Variants in AUTS2 observed in about 807,000 individuals in gnomAD.
AUTS2 encodes the protein autism susceptibility gene 2 protein.
AUTS2 carries 17 observed loss-of-function variants against 112.4 expected under a neutral mutation model. That is an observed-to-expected ratio of 0.15 (90% confidence interval 0.10 to 0.23). AUTS2 has a LOEUF of 0.23. Ranked by LOEUF, AUTS2 falls within the 10% of genes least tolerant of loss-of-function variation. AUTS2 has a pLI of 1.00. For missense variants in AUTS2, 1,510 were observed against 1,701.6 expected (o/e 0.89, Z 1.98); for synonymous variants, 751 against 702.7 (o/e 1.07, Z -1.09).
chr7:69,830,316 G>T (rs1267072672), intron 1 of AUTS2, among the ~76,000 whole-genome samples: 1 of 152,088 alleles, frequency 6.6e-6, no homozygotes, highest in East Asian at 1.9e-4. Context: ...GGGTTGATAG[G>T]TGCAGCAAAC....
intron 1 of AUTS2, among the ~76,000 whole-genome samples, chr7:69,887,046 G>A (rs1184028660): frequency 6.6e-6 from 1 of 152,064 alleles, no homozygotes. Context: ...CCAAAGTGTT[G>A]GCATTAAAGG....
At chr7:70,077,642 T>C (rs2129564086) in intron 2 of AUTS2, among the ~76,000 whole-genome samples, 1 of 152,344 alleles carries the variant, frequency 6.6e-6, no homozygotes, top group Non-Finnish European at 1.5e-5. Context: ...CCAGAAATTA[T>C]ACCTGGGGAT....
At position 70,777,691 on chromosome 7, in the gene AUTS2, C is replaced by G. The variant is rs560482032; in HGVS notation, c.2004+517C>G. 2.0e-5 allele frequency among the ~76,000 whole-genome samples: 3 copies of G among 152,290 alleles called. No individual in the cohort carries two copies. In the East Asian group the frequency reaches 5.8e-4, roughly 29 times the overall value. On this transcript the variant is annotated intron_variant, in intron 14 of 18. Transcript: ENST00000342771. ...CACTAGTGAAATTACAAAACAAAAGCAAACTGATAATGCCCCAGGGTTTTG... is the reference window on the plus strand; with the variant it reads ...CACTAGTGAAATTACAAAACAAAAGGAAACTGATAATGCCCCAGGGTTTTG...
At chr7:70,487,937 G>T (rs1032522553) in intron 5 of AUTS2, among the ~76,000 whole-genome samples, 1 of 152,192 alleles carries the variant, frequency 6.6e-6, no homozygotes, top group African/African-American at 2.4e-5. Flanking sequence ...GGCTGGGGCG[G>T]TGGTGGGCCA....
At chr7:70,188,217 A>G (rs995285453) in intron 4 of AUTS2, among the ~76,000 whole-genome samples, 1 of 152,228 alleles carries the variant, frequency 6.6e-6, no homozygotes, top group African/African-American at 2.4e-5. Context: ...ATAATGAAAC[A>G]TACACACTTT....
intron 4 of AUTS2, among the ~76,000 whole-genome samples, chr7:70,395,801 T>C (rs1794055445): frequency 6.6e-6 from 1 of 152,224 alleles, no homozygotes; most frequent in Non-Finnish European, 1.5e-5. Context: ...TAACTAGCTG[T>C]ACAGATCTGG....
At chr7:69,875,916 A>T (rs1793714330) in intron 1 of AUTS2, among the ~76,000 whole-genome samples, 1 of 152,064 alleles carries the variant, frequency 6.6e-6, no homozygotes, top group African/African-American at 2.4e-5. Context: ...TTATTCACAA[A>T]TGGTTGTTCC....
intron 2 of AUTS2, among the ~76,000 whole-genome samples, chr7:70,117,763 T>TC (rs1213456390): frequency 6.6e-6 from 1 of 151,796 alleles, no homozygotes; most frequent in African/African-American, 2.4e-5. Context: ...TTTTTTTTTT[T>TC]GTGAGACGGA....
At chr7:69,624,820 TTAAA>T (rs1402197957) in intron 1 of AUTS2, among the ~76,000 whole-genome samples, 1 of 152,190 alleles carries the variant, frequency 6.6e-6, no homozygotes, top group Non-Finnish European at 1.5e-5. Flanking sequence ...AGTACATTGA[TTAAA>T]TAAATATTCC....
intron 5 of AUTS2, among the ~76,000 whole-genome samples, chr7:70,472,940 G>A (rs1004659449): frequency 2.0e-5 from 3 of 152,252 alleles, no homozygotes; most frequent in East Asian, 1.9e-4. Context: ...GTATCAAGGG[G>A]GCTACATCAG....
At chr7:70,722,749 C>T (rs1786769684) in intron 6 of AUTS2, among the ~76,000 whole-genome samples, 1 of 152,148 alleles carries the variant, frequency 6.6e-6, no homozygotes, top group Non-Finnish European at 1.5e-5. Flanking sequence ...GTGAATCCCT[C>T]TAATAAATGT....
rs753432239 is a variant in AUTS2 at position 70,227,685 on chromosome 7, AT to A, written c.660+93116del. On this transcript the variant is annotated intron_variant, in intron 4 of 18. Coordinates refer to ENST00000342771, the MANE Select transcript of AUTS2 (RefSeq NM_015570.4). ...TATCTTCTGATCGCTCATGTGATTCATTCTCTTAACTCATTGGCTATTTAGA... is the reference window on the plus strand; with the variant it reads ...TATCTTCTGATCGCTCATGTGATTCATCTCTTAACTCATTGGCTATTTAGA... Among the ~76,000 whole-genome samples the A allele has an allele frequency of 2.1e-4, 32 of 152,160 alleles. No individual in the cohort carries two copies. The Middle Eastern group carries it at 0.014, about 65-fold the overall frequency.
chr7:70,227,727 T>A (rs1473253429), intron 4 of AUTS2, among the ~76,000 whole-genome samples: 3 of 152,148 alleles, frequency 2.0e-5, no homozygotes, highest in African/African-American at 7.2e-5. Context: ...ATTGACATAT[T>A]TCAAAATATT....
chr7:70,377,434 AC>A (rs1793161809), intron 4 of AUTS2, among the ~76,000 whole-genome samples: 1 of 140,252 alleles, frequency 7.1e-6, no homozygotes, highest in African/African-American at 2.6e-5. Context: ...AAAATGGTAA[AC>A]CATTTATATA....
chr7:70,268,156 CCTT>C (rs1344079797), intron 4 of AUTS2, among the ~76,000 whole-genome samples: 1 of 152,150 alleles, frequency 6.6e-6, no homozygotes, highest in Non-Finnish European at 1.5e-5. Flanking sequence ...TCTGACTCCT[CCTT>C]GAAGACTAGA....
chr7:70,211,940 C>T (rs1307540700), intron 4 of AUTS2, among the ~76,000 whole-genome samples: 1 of 152,170 alleles, frequency 6.6e-6, no homozygotes, highest in Non-Finnish European at 1.5e-5. Flanking sequence ...GAGCTGAGAT[C>T]TCACCACTGC....
intron 2 of AUTS2, among the ~76,000 whole-genome samples, chr7:70,046,130 T>G (rs1801494070): frequency 6.6e-6 from 1 of 152,228 alleles, no homozygotes; most frequent in African/African-American, 2.4e-5. Flanking sequence ...AAATATTGAC[T>G]GGAATACTGT....
chr7:69,844,713 G>C (rs1231279904), intron 1 of AUTS2, among the ~76,000 whole-genome samples: 1 of 152,124 alleles, frequency 6.6e-6, no homozygotes, highest in African/African-American at 2.4e-5. Context: ...CAGCTCTCTA[G>C]ATCTGTTGTT....
At chr7:70,079,662 C>T (rs770156252) in intron 2 of AUTS2, among the ~76,000 whole-genome samples, 1 of 151,982 alleles carries the variant, frequency 6.6e-6, no homozygotes, top group Non-Finnish European at 1.5e-5. Flanking sequence ...AGAAATACTA[C>T]AAAATGATGT....
Sources: allele counts gnomAD v4.1 joint callset (sites outside exome capture counted in the v4.1 genomes callset), GRCh38; gene constraint gnomAD v4.1.1; transcripts MANE v1.5; gene names NCBI Gene and HGNC (gene_info 2026-07-23, HGNC 2026-07-21).